Variants in KCNMB2 observed in about 807,000 individuals in gnomAD.
The protein encoded by KCNMB2 is calcium-activated potassium channel subunit beta-2.
A neutral mutation model predicts 24.5 loss-of-function variants in KCNMB2; 9 were observed. The observed-to-expected ratio is 0.37, with a 90% CI of 0.22 to 0.64. The LOEUF (loss-of-function observed/expected upper bound fraction) is 0.64. KCNMB2 is among the 30% of genes least tolerant of loss of function. The pLI, the probability that KCNMB2 is intolerant of heterozygous loss-of-function variation, is 0.63. For synonymous variants in KCNMB2, 109 were observed against 104.4 expected (o/e 1.04, Z -0.27); for missense variants, 226 against 284.3 (o/e 0.79, Z 1.47).
At chr3:178,788,078 C>T (rs55646838) in intron 1 of KCNMB2, among the ~76,000 whole-genome samples, 21,598 of 152,078 alleles carry the variant, frequency 0.14, 1,864 homozygotes, top group Admixed American at 0.18. Flanking sequence ...GCTCTTATTA[C>T]AGTTTGAATC....
intron 1 of KCNMB2, among the ~76,000 whole-genome samples, chr3:178,621,060 G>A (rs1044415311): frequency 2.0e-5 from 3 of 152,252 alleles, no homozygotes; most frequent in Middle Eastern, 6.8e-3. Flanking sequence ...TGGTCAAAGG[G>A]GTGCTTTAGG....
chr3:178,537,267 C>G (rs1715442036), intron 1 of KCNMB2: 1 of 152,086 alleles, frequency 6.6e-6, no homozygotes, highest in Non-Finnish European at 1.5e-5. Context: ...GTACCTTCGT[C>G]CGTTTTGCAT....
At chr3:178,782,948 C>T (rs923377923) in intron 1 of KCNMB2, among the ~76,000 whole-genome samples, 48 of 150,630 alleles carry the variant, frequency 3.2e-4, no homozygotes, top group African/African-American at 1.1e-3. Flanking sequence ...GTCTTTAATC[C>T]ATCTTGAATT....
At chr3:178,749,638 G>A (rs765784776) in intron 1 of KCNMB2, among the ~76,000 whole-genome samples, 2 of 152,192 alleles carry the variant, frequency 1.3e-5, no homozygotes, top group Non-Finnish European at 2.9e-5. Context: ...ATATGATGCT[G>A]GCACTCACCA....
At chr3:178,541,121 C>G (rs541822282) in intron 1 of KCNMB2, among the ~76,000 whole-genome samples, 1 of 152,236 alleles carries the variant, frequency 6.6e-6, no homozygotes, top group South Asian at 2.1e-4. Flanking sequence ...AGAGCACCTT[C>G]AAGAAAGTTA....
At chr3:178,690,923 A>C (rs1721647789) in intron 1 of KCNMB2, among the ~76,000 whole-genome samples, 1 of 151,750 alleles carries the variant, frequency 6.6e-6, no homozygotes, top group South Asian at 2.1e-4. Context: ...GAGTTTGCAA[A>C]GTATTTTTAT....
intron 1 of KCNMB2, among the ~76,000 whole-genome samples, chr3:178,746,367 A>G (rs995280964): frequency 3.9e-5 from 6 of 152,086 alleles, no homozygotes; most frequent in African/African-American, 9.7e-5. Context: ...ACAGGGCACC[A>G]AGTTCCTAGG....
intron 1 of KCNMB2, among the ~76,000 whole-genome samples, chr3:178,781,577 CTCTG>C (rs1712842209): frequency 6.6e-6 from 1 of 151,632 alleles, no homozygotes; most frequent in Non-Finnish European, 1.5e-5. Context: ...TGGAGCAAGA[CTCTG>C]TCTAAAAATT....
intron 1 of KCNMB2, among the ~76,000 whole-genome samples, chr3:178,764,483 T>C (rs1258839817): frequency 2.6e-5 from 4 of 152,226 alleles, no homozygotes; most frequent in Admixed American, 2.0e-4. Flanking sequence ...TTCAGATTTG[T>C]AGCCTAGGAG....
At chr3:178,544,766 GAA>G (rs1490831365) in intron 1 of KCNMB2, among the ~76,000 whole-genome samples, 2 of 151,446 alleles carry the variant, frequency 1.3e-5, no homozygotes, top group Non-Finnish European at 2.9e-5. Flanking sequence ...TATCTGATGA[GAA>G]AAAAAATAGG....
intron 2 of KCNMB2, among the ~76,000 whole-genome samples, chr3:178,810,399 A>G (rs1226987242): frequency 6.6e-6 from 1 of 152,196 alleles, no homozygotes; most frequent in Non-Finnish European, 1.5e-5. Flanking sequence ...TCCTGAGAAC[A>G]GGGCCAAATG....
chr3:178,757,272 G>A (rs1724101164), intron 1 of KCNMB2: 1 of 131,606 alleles, frequency 7.6e-6, no homozygotes, highest in South Asian at 2.4e-4. Context: ...GTGTGTGTGT[G>A]TATACATATA....
intron 2 of KCNMB2, among the ~76,000 whole-genome samples, chr3:178,819,290 AT>A (rs940586142): frequency 3.3e-5 from 5 of 152,150 alleles, no homozygotes; most frequent in African/African-American, 1.2e-4. Context: ...TATACCACAA[AT>A]TTTGTATGAT....
intron 1 of KCNMB2, among the ~76,000 whole-genome samples, chr3:178,556,110 C>T (rs546759504): frequency 9.2e-5 from 14 of 152,200 alleles, no homozygotes; most frequent in Non-Finnish European, 1.3e-4. Flanking sequence ...AAGGACAGTG[C>T]TGACTGAAGT....
intron 1 of KCNMB2, among the ~76,000 whole-genome samples, chr3:178,646,299 C>T (rs1719920735): frequency 1.3e-5 from 2 of 152,252 alleles, no homozygotes; most frequent in Middle Eastern, 3.4e-3. Context: ...TGGAAACAGG[C>T]AAATATCTGA....
chr3:178,657,001 C>G (rs1414190893), intron 1 of KCNMB2, among the ~76,000 whole-genome samples: 1 of 152,110 alleles, frequency 6.6e-6, no homozygotes, highest in Non-Finnish European at 1.5e-5. Context: ...ATTGATTGAG[C>G]ACCTACTATG....
chr3:178,678,270 C>A (rs1434892676), intron 1 of KCNMB2, among the ~76,000 whole-genome samples: 2 of 152,140 alleles, frequency 1.3e-5, no homozygotes, highest in Admixed American at 6.5e-5. Context: ...ATAGTTTATT[C>A]TTTAAGTGAG....
At chr3:178,615,453 A>G (rs1262058877) in intron 1 of KCNMB2, among the ~76,000 whole-genome samples, 4 of 152,118 alleles carry the variant, frequency 2.6e-5, no homozygotes, top group East Asian at 1.9e-4. Context: ...CTGCTGTACT[A>G]TTGTATTGAG....
chr3:178,792,886 T>A (rs1019076045), intron 1 of KCNMB2, among the ~76,000 whole-genome samples: 1 of 152,242 alleles, frequency 6.6e-6, no homozygotes, highest in African/African-American at 2.4e-5. Flanking sequence ...AGTGCCTGCA[T>A]TGGGTGTCAC....
Sources: allele counts gnomAD v4.1 joint callset (sites outside exome capture counted in the v4.1 genomes callset), GRCh38; gene constraint gnomAD v4.1.1; transcripts MANE v1.5; gene names NCBI Gene and HGNC (gene_info 2026-07-23, HGNC 2026-07-21).